FRYL: variants seen among roughly 807,000 people sequenced by gnomAD.
FRYL encodes FRY like transcription coactivator.
FRYL carries 150 observed loss-of-function variants against 351.2 expected under a neutral mutation model. The ratio of observed to expected loss-of-function variants is 0.43; its 90% confidence interval spans 0.37 to 0.49. FRYL has a LOEUF of 0.49. Ranked by LOEUF, FRYL falls within the 20% of genes least tolerant of loss-of-function variation. FRYL has a pLI of 0.00. For synonymous variants in FRYL, 1,153 were observed against 1,257.1 expected, an observed-to-expected ratio of 0.92 and a Z score of 1.75; for missense variants, 3,036 against 3,619.3, an observed-to-expected ratio of 0.84 and a Z score of 4.13.
chr4:48,640,525 C>T (rs1043184005), intron 3 of FRYL, among the ~76,000 whole-genome samples: 4 of 152,042 alleles, frequency 2.6e-5, no homozygotes, highest in African/African-American at 9.7e-5. Flanking sequence ...AGGTAGAACA[C>T]AGAATTTTTA....
chr4:48,707,171 T>G (rs1309835933), intron 2 of FRYL, among the ~76,000 whole-genome samples: 1 of 152,224 alleles, frequency 6.6e-6, no homozygotes, highest in Admixed American at 6.5e-5. Flanking sequence ...AAAACAATAT[T>G]GCAAATTCTT....
At chr4:48,562,278 C>T (rs1291194491) in intron 32 of FRYL, among the ~76,000 whole-genome samples, 1 of 151,926 alleles carries the variant, frequency 6.6e-6, no homozygotes, top group African/African-American at 2.4e-5. Context: ...GCTGAACTTT[C>T]CTCTTAATTA....
chr4:48,544,052 G>C (rs1317460935), intron 43 of FRYL, 55 bp from the exon 44 acceptor site: 1 of 1,458,818 alleles, frequency 6.9e-7, no homozygotes, highest in Non-Finnish European at 9.5e-7. Context: ...ATACTAATGG[G>C]GTTATAATCA....
At chr4:48,631,714 C>T (rs1445492601) in intron 4 of FRYL, among the ~76,000 whole-genome samples, 1 of 151,706 alleles carries the variant, frequency 6.6e-6, no homozygotes, top group Non-Finnish European at 1.5e-5. Flanking sequence ...AATACATATT[C>T]ATTTAGCTTA....
At chr4:48,551,069 A>T (rs958374811) in intron 37 of FRYL, among the ~76,000 whole-genome samples, 12 of 141,992 alleles carry the variant, frequency 8.5e-5, no homozygotes, top group African/African-American at 2.8e-4. Flanking sequence ...CCATCTCAAT[A>T]AAAAAAAAAA....
intron 55 of FRYL, among the ~76,000 whole-genome samples, chr4:48,519,331 C>T (rs1724372844): frequency 6.6e-6 from 1 of 152,100 alleles, no homozygotes. Context: ...TTTCACACTG[C>T]CATCCCTTTC....
chr4:48,623,371 C>T (rs778308691), intron 4 of FRYL, among the ~76,000 whole-genome samples, 192 bp from the exon 5 acceptor site: 23 of 152,038 alleles, frequency 1.5e-4, no homozygotes, highest in Non-Finnish European at 2.6e-4. Flanking sequence ...AGTGTGGCTC[C>T]AGAGGCAAGG....
At chr4:48,575,091 T>C (rs1424320409) in intron 25 of FRYL, 26 bp downstream of exon 25, 25 of 1,609,660 alleles carry the variant, frequency 1.6e-5, no homozygotes, top group Non-Finnish European at 2.0e-5. Flanking sequence ...TTTTAGGACA[T>C]AGAAAAAATG....
rs1350543190 is a variant in FRYL at position 48,634,330 on chromosome 4, T to C, written c.81A>G (p.Gln27=). The C allele has an allele frequency of 6.2e-7, 1 of 1,613,624 alleles. No homozygotes were observed. Among genetic ancestry groups the C allele is most frequent in the African/African-American group, 1.3e-5 (1 of 74,926 alleles). The change falls in exon 4 of 64, where the codon CAA becomes CAG. Residue 27 remains glutamine, a synonymous_variant. Transcript: ENST00000358350. ...TTACAACTTCAATTTTCTTTTCAGC[T>C]TGAACAGCAAATTCTGCAAAGAGGC... ...IKSLFAEFAV[Q]AEKKIEVVMA...
intron 47 of FRYL, among the ~76,000 whole-genome samples, chr4:48,537,117 C>T (rs1037508949): frequency 6.6e-5 from 10 of 152,042 alleles, no homozygotes; most frequent in African/African-American, 1.2e-4. Flanking sequence ...TATTAAAAAT[C>T]GCATAATTTT....
chr4:48,598,863 T>C, intron 13 of FRYL: 1 of 984,758 alleles, frequency 1.0e-6, no homozygotes, highest in Non-Finnish European at 1.2e-6. Flanking sequence ...GATACTGTTG[T>C]TAGATGGCAT....
At chr4:48,676,760 A>T (rs1763766446) in intron 3 of FRYL, among the ~76,000 whole-genome samples, 1 of 152,192 alleles carries the variant, frequency 6.6e-6, no homozygotes, top group South Asian at 2.1e-4. Context: ...CCAATCTTGT[A>T]TACTTTCCTG....
chr4:48,772,181 T>C (rs761969762), intron 1 of FRYL, among the ~76,000 whole-genome samples: 25 of 152,214 alleles, frequency 1.6e-4, no homozygotes, highest in Non-Finnish European at 3.1e-4. Context: ...AGATTATATT[T>C]TGAGAATTTT....
chr4:48,581,202 G>C (rs745962002), intron 21 of FRYL, among the ~76,000 whole-genome samples: 1 of 151,922 alleles, frequency 6.6e-6, no homozygotes, highest in South Asian at 2.1e-4. Flanking sequence ...CACCACGCCC[G>C]GCTAATTTTT....
chr4:48,641,627 C>T (rs754053723), intron 3 of FRYL, among the ~76,000 whole-genome samples: 1 of 152,094 alleles, frequency 6.6e-6, no homozygotes, highest in Non-Finnish European at 1.5e-5. Context: ...GATGAAGAAA[C>T]TGACTCCAAA....
chr4:48,683,862 C>G (rs1297621000), intron 3 of FRYL, among the ~76,000 whole-genome samples: 3 of 152,118 alleles, frequency 2.0e-5, no homozygotes, highest in Non-Finnish European at 4.4e-5. Flanking sequence ...TTCCTTTCTC[C>G]CCCTCTCTCC....
At chr4:48,673,665 G>A (rs1763080930) in intron 3 of FRYL, among the ~76,000 whole-genome samples, 1 of 152,160 alleles carries the variant, frequency 6.6e-6, no homozygotes, top group Non-Finnish European at 1.5e-5. Context: ...TAAAACAATG[G>A]CATGGCTATA....
intron 56 of FRYL, 118 bp from the exon 57 acceptor site, chr4:48,512,806 T>C (rs1722756306): frequency 1.5e-6 from 1 of 678,190 alleles, no homozygotes; most frequent in Non-Finnish European, 2.5e-6. Flanking sequence ...TACACACTGA[T>C]TTAGAAAATG....
Position 48,540,533 on chromosome 4 carries a change from C to T in FRYL, c.6115G>A (p.Glu2039Lys), listed in dbSNP as rs766269584. The T allele has an allele frequency of 4.3e-6, 7 of 1,614,060 alleles. No homozygotes were observed. In the South Asian group the frequency reaches 7.7e-5, roughly 18 times the overall value. The change falls in exon 46 of 64, where the codon GAG (glutamate) becomes AAG (lysine). Residue 2039 changes from glutamate to lysine, a missense_variant. Glu to Lys is a moderately conservative substitution (Grantham distance 56). Transcript: ENST00000358350. ...LLIHLPLDKSESREKIENVQS... is the reference protein window; with the variant it reads ...LLIHLPLDKSKSREKIENVQS... ...ACATTTTCAATCTTCTCTCGACTCT[C>T]TGATTTATCCAAAGGCAAATGGATA...
Sources: gnomAD v4.1 joint callset for allele counts (sites outside exome capture counted in the v4.1 genomes callset) on GRCh38, gnomAD v4.1.1 for gene constraint, MANE v1.5 for transcripts, NCBI Gene and HGNC (gene_info 2026-07-23, HGNC 2026-07-21) for gene names.